The following CAST variants were observed in gnomAD, a reference collection of about 807,000 sequenced individuals.
CAST encodes MIR583 host.
In CAST, 76 loss-of-function variants were observed where a neutral mutation model predicts 119.6. That is an observed-to-expected ratio of 0.64 (90% confidence interval 0.53 to 0.77). CAST has a LOEUF of 0.77. Among genes scored for constraint, CAST ranks in the 30% least tolerant of loss-of-function variants. The probability of loss-of-function intolerance (pLI) is 0.00; values close to 1 mark genes in which losing one functional copy is unlikely to be tolerated. For missense variants in CAST, 953 were observed against 946.5 expected (o/e 1.01, Z -0.09); for synonymous variants, 319 against 331.6 (o/e 0.96, Z 0.41).
chr5:96,410,137 G>A, the CAST span, among the ~76,000 whole-genome samples: 9 of 152,100 alleles, frequency 5.9e-5, no homozygotes, highest in East Asian at 1.9e-4. Context: ...CCCCTCCATC[G>A]TCATGCCCTT....
At chr5:96,369,916 C>T in the CAST span, among the ~76,000 whole-genome samples, 1 of 151,924 alleles carries the variant, frequency 6.6e-6, no homozygotes, top group Admixed American at 6.6e-5. Context: ...TGTTGTATCC[C>T]CAATGTCTGA....
upstream of CAST, among the ~76,000 whole-genome samples, chr5:96,661,472 T>C (rs1748466295): frequency 6.9e-6 from 1 of 145,902 alleles, no homozygotes; most frequent in Admixed American, 6.8e-5. Flanking sequence ...TTCAACTGTC[T>C]AAACCCCAAC....
At chr5:96,166,461 C>T in the CAST span, among the ~76,000 whole-genome samples, 1 of 152,130 alleles carries the variant, frequency 6.6e-6, no homozygotes, top group Non-Finnish European at 1.5e-5. Context: ...AGTGTGTGTG[C>T]CCTTCAGCTC....
At chr5:96,201,428 C>A in the CAST span, among the ~76,000 whole-genome samples, 4 of 152,146 alleles carry the variant, frequency 2.6e-5, no homozygotes, top group Non-Finnish European at 5.9e-5. Flanking sequence ...TTTCAAACAA[C>A]TCTTGGGCAA....
At chr5:96,068,504 TA>T in the CAST span, among the ~76,000 whole-genome samples, 1 of 151,814 alleles carries the variant, frequency 6.6e-6, no homozygotes, top group Non-Finnish European at 1.5e-5. Flanking sequence ...GAGCAGTTAC[TA>T]AACATCTGAT....
At chr5:96,306,710 A>T in the CAST span, among the ~76,000 whole-genome samples, 1 of 152,188 alleles carries the variant, frequency 6.6e-6, no homozygotes, top group African/African-American at 2.4e-5. Flanking sequence ...TTATTTACAC[A>T]GTAGTCATTC....
At chr5:96,216,386 A>T in the CAST span, among the ~76,000 whole-genome samples, 5 of 152,220 alleles carry the variant, frequency 3.3e-5, no homozygotes, top group Non-Finnish European at 5.9e-5. Context: ...ATTGCTTTTT[A>T]AAAATGTGGA....
At chr5:96,093,452 G>A in the CAST span, among the ~76,000 whole-genome samples, 1 of 152,260 alleles carries the variant, frequency 6.6e-6, no homozygotes, top group Non-Finnish European at 1.5e-5. Context: ...GGGACAATGG[G>A]CAGGGTGGAG....
At chr5:96,091,386 G>A in the CAST span, among the ~76,000 whole-genome samples, 2 of 151,332 alleles carry the variant, frequency 1.3e-5, no homozygotes, top group East Asian at 3.9e-4. Flanking sequence ...TGTATTTTTA[G>A]TGGAGATGGG....
At chr5:96,104,035 T>C in the CAST span, among the ~76,000 whole-genome samples, 3 of 152,218 alleles carry the variant, frequency 2.0e-5, no homozygotes, top group African/African-American at 2.4e-5. Context: ...ATGTCTTCTT[T>C]TGAGAAGTGT....
chr5:96,579,492 CAG>C (rs987404477), intron 1 of CAST, among the ~76,000 whole-genome samples: 9 of 152,240 alleles, frequency 5.9e-5, no homozygotes, highest in East Asian at 1.9e-4. Flanking sequence ...GGGATATTTT[CAG>C]AGAGACTCTC....
chr5:95,996,700 G>C, the CAST span, among the ~76,000 whole-genome samples: 1 of 152,120 alleles, frequency 6.6e-6, no homozygotes, highest in Non-Finnish European at 1.5e-5. Flanking sequence ...CTGTAAACCT[G>C]TTAAGATGTA....
At chr5:96,272,958 T>C in the CAST span, among the ~76,000 whole-genome samples, 4 of 152,194 alleles carry the variant, frequency 2.6e-5, no homozygotes, top group Admixed American at 6.5e-5. Flanking sequence ...ATTTGATGTA[T>C]AATAAATGTG....
upstream of CAST, among the ~76,000 whole-genome samples, chr5:96,525,885 G>A (rs537498780): frequency 1.4e-4 from 21 of 152,334 alleles, no homozygotes; most frequent in Middle Eastern, 6.8e-3. Flanking sequence ...GGAGACATTC[G>A]TCAGCTGCTG....
the CAST span, among the ~76,000 whole-genome samples, chr5:96,482,060 GC>G: frequency 6.6e-6 from 1 of 152,122 alleles, no homozygotes; most frequent in Admixed American, 6.5e-5. Flanking sequence ...GTATATTGCT[GC>G]AGAGTTAGCT....
intron 1 of CAST, among the ~76,000 whole-genome samples, chr5:96,556,684 A>G (rs1414578130): frequency 6.6e-6 from 1 of 152,234 alleles, no homozygotes; most frequent in Non-Finnish European, 1.5e-5. Flanking sequence ...AAATGAACAA[A>G]GCCTCCAAGA....
chr5:96,129,715 A>G, the CAST span, among the ~76,000 whole-genome samples: 1 of 152,132 alleles, frequency 6.6e-6, no homozygotes, highest in Non-Finnish European at 1.5e-5. Flanking sequence ...ATTTTTCTAT[A>G]TTATACATAT....
intron 3 of CAST, among the ~76,000 whole-genome samples, chr5:96,712,533 T>C (rs1025313654): frequency 6.6e-6 from 1 of 152,206 alleles, no homozygotes; most frequent in African/African-American, 2.4e-5. Flanking sequence ...CTCACTATGC[T>C]GCCCAGGCTG....
chr5:96,062,143 G>A, the CAST span, among the ~76,000 whole-genome samples: 1 of 152,080 alleles, frequency 6.6e-6, no homozygotes, highest in Non-Finnish European at 1.5e-5. Flanking sequence ...TGATCCACCA[G>A]CTCAGGATTG....
Sources: gnomAD v4.1 joint callset for allele counts (sites outside exome capture counted in the v4.1 genomes callset) on GRCh38, gnomAD v4.1.1 for gene constraint, MANE v1.5 for transcripts, NCBI Gene and HGNC (gene_info 2026-07-23, HGNC 2026-07-21) for gene names.